Variants in ISM1 observed in about 807,000 individuals in gnomAD.
The protein encoded by ISM1 is isthmin-1.
ISM1 carries 25 observed loss-of-function variants against 46.3 expected under a neutral mutation model. That is an observed-to-expected ratio of 0.54 (90% CI 0.39 to 0.75). The LOEUF is 0.75. Among genes scored for constraint, ISM1 ranks in the 30% least tolerant of loss-of-function variants. ISM1 has a pLI of 0.00. For missense variants in ISM1, 536 were observed against 625.4 expected, an observed-to-expected ratio of 0.86 and a Z score of 1.52; for synonymous variants, 255 against 256.7, an observed-to-expected ratio of 0.99 and a Z score of 0.06.
intron 5 of ISM1, 35 bp downstream of exon 5, chr20:13,292,498 C>T: frequency 1.5e-6 from 2 of 1,301,304 alleles, no homozygotes; most frequent in Non-Finnish European, 1.1e-6. Context: ...CAAATATTGA[C>T]TTAGTGCCTC....
At chr20:13,235,978 G>A (rs1456625081) in intron 1 of ISM1, among the ~76,000 whole-genome samples, 5 of 151,516 alleles carry the variant, frequency 3.3e-5, no homozygotes, top group Non-Finnish European at 7.4e-5. Context: ...AGGCTGGAGT[G>A]CAGTGATGCA....
chr20:13,279,548 C>T, intron 2 of ISM1, 86 bp from the exon 3 acceptor site: 1 of 1,332,836 alleles, frequency 7.5e-7, no homozygotes, highest in South Asian at 1.4e-5. Context: ...TCATTTCCCT[C>T]TGCCCTCTCA....
chr20:13,293,917 T>G (rs2040380361), intron 5 of ISM1, among the ~76,000 whole-genome samples: 1 of 150,734 alleles, frequency 6.6e-6, no homozygotes, highest in South Asian at 2.1e-4. Flanking sequence ...GAGGTTGCAG[T>G]GAGTCGAGAT....
the ISM1 span, among the ~76,000 whole-genome samples, chr20:13,307,254 G>C: frequency 6.6e-6 from 1 of 152,088 alleles, no homozygotes; most frequent in Non-Finnish European, 1.5e-5. Context: ...GCCATCCTTT[G>C]GGCCAGTCTT....
At chr20:13,314,676 C>T in the ISM1 span, among the ~76,000 whole-genome samples, 3 of 152,044 alleles carry the variant, frequency 2.0e-5, no homozygotes, top group African/African-American at 7.2e-5. Flanking sequence ...AAACTCAGAT[C>T]TTCATAAAAA....
chr20:13,303,329 T>A (rs542559920), downstream of ISM1, among the ~76,000 whole-genome samples: 8 of 152,368 alleles, frequency 5.3e-5, no homozygotes, highest in African/African-American at 1.9e-4. Context: ...TCTATGTATT[T>A]TGCCCAGTTA....
chr20:13,242,162 G>A (rs2039732637), intron 1 of ISM1, among the ~76,000 whole-genome samples: 3 of 152,168 alleles, frequency 2.0e-5, no homozygotes. Context: ...GCAGTAGAGG[G>A]AAAGGGTATG....
intron 3 of ISM1, among the ~76,000 whole-genome samples, chr20:13,281,396 A>G (rs773448640): frequency 8.5e-5 from 13 of 152,206 alleles, no homozygotes; most frequent in Non-Finnish European, 1.5e-4. Context: ...CTGCTTTCCA[A>G]GAGGAAAGAC....
rs1373647389 is a variant in ISM1, at chr20:13,224,744, TA to T, written c.138+2831del. Among the ~76,000 whole-genome samples the T allele has an allele frequency of 9.9e-5, 15 of 152,238 alleles. No homozygotes were observed. In the East Asian group the frequency reaches 2.7e-3, roughly 27 times the overall value. On this transcript the variant is annotated intron_variant, in intron 1 of 5. Transcript: ENST00000262487. ...GATATATCAAGGACGCCCAATAAAGTAGTAGTAAGAAAAGCAACAATAATAG... is the reference window on the plus strand; with the variant it reads ...GATATATCAAGGACGCCCAATAAAGTGTAGTAAGAAAAGCAACAATAATAG...
chr20:13,261,820 C>T (rs2039992798), intron 1 of ISM1, among the ~76,000 whole-genome samples: 1 of 152,178 alleles, frequency 6.6e-6, no homozygotes, highest in Non-Finnish European at 1.5e-5. Context: ...CCTAGGCCAC[C>T]CCTACCCCAG....
downstream of ISM1, among the ~76,000 whole-genome samples, chr20:13,304,337 T>A (rs1295766178): frequency 6.6e-6 from 1 of 152,036 alleles, no homozygotes. Flanking sequence ...AGGCTCTGGG[T>A]GGAATCAAAG....
At chr20:13,287,360 A>G (rs6033658) in intron 3 of ISM1, among the ~76,000 whole-genome samples, 97,075 of 151,894 alleles carry the variant, frequency 0.64, 32,217 homozygotes, top group African/African-American at 0.83. Flanking sequence ...CACGAAAACA[A>G]CATGGGGAAA....
At position 13,232,935 on chromosome 20, in the gene ISM1, G is replaced by A. The variant is rs1248015922; in HGVS notation, c.138+11021G>A. ...CAGAATGCCCAAAGTAGTCTCATGGGTCTCGATTCTCCAAGTGATGGTGGT... is the reference window on the plus strand; with the variant it reads ...CAGAATGCCCAAAGTAGTCTCATGGATCTCGATTCTCCAAGTGATGGTGGT... On this transcript the variant is annotated intron_variant, in intron 1 of 5. Transcript: ENST00000262487. 2.0e-5 allele frequency among the ~76,000 whole-genome samples: 3 copies of A among 152,048 alleles called. No homozygotes were observed. In the East Asian group the frequency reaches 5.8e-4, roughly 29 times the overall value.
intron 2 of ISM1, among the ~76,000 whole-genome samples, chr20:13,277,482 G>C (rs1221524862): frequency 1.3e-5 from 2 of 152,114 alleles, no homozygotes; most frequent in Non-Finnish European, 2.9e-5. Context: ...TCACTGCCCA[G>C]CTTGGCTCGG....
At chr20:13,270,860 C>A in intron 2 of ISM1, 117 bp downstream of exon 2, 1 of 928,582 alleles carries the variant, frequency 1.1e-6, no homozygotes, top group South Asian at 1.6e-5. Flanking sequence ...CTTAATGATT[C>A]CTGCTTAAGA....
chr20:13,252,932 C>G (rs1038077926), intron 1 of ISM1, among the ~76,000 whole-genome samples: 3 of 152,142 alleles, frequency 2.0e-5, no homozygotes, highest in Admixed American at 6.5e-5. Context: ...GGTCCCCAGC[C>G]CCCCCTCTCA....
the ISM1 span, among the ~76,000 whole-genome samples, chr20:13,322,031 T>C: frequency 6.6e-6 from 1 of 152,214 alleles, no homozygotes. Context: ...TTATGGAAAT[T>C]GTGCATGTGT....
chr20:13,224,797 T>C (rs1462976267), intron 1 of ISM1, among the ~76,000 whole-genome samples: 1 of 151,908 alleles, frequency 6.6e-6, no homozygotes, highest in Non-Finnish European at 1.5e-5. Flanking sequence ...GCCTTTTATG[T>C]GGCAGGCACT....
chr20:13,255,384 TTG>T (rs926809268), intron 1 of ISM1, among the ~76,000 whole-genome samples: 10 of 152,202 alleles, frequency 6.6e-5, no homozygotes, highest in African/African-American at 9.6e-5. Context: ...CAGTCATTAT[TTG>T]TGTGTGTGTT....
Sources: allele counts gnomAD v4.1 joint callset (sites outside exome capture counted in the v4.1 genomes callset), GRCh38; gene constraint gnomAD v4.1.1; transcripts MANE v1.5; gene names NCBI Gene and HGNC (gene_info 2026-07-23, HGNC 2026-07-21).